DAPK1: variants seen among roughly 807,000 people sequenced by gnomAD.
The protein encoded by DAPK1 is death associated protein kinase 1.
DAPK1 carries 56 observed loss-of-function variants against 144.9 expected under a neutral mutation model. The ratio of observed to expected loss-of-function variants is 0.39; its 90% CI spans 0.31 to 0.48. The LOEUF is 0.48. Ranked by LOEUF, DAPK1 falls within the 20% of genes least tolerant of loss-of-function variation. DAPK1 has a pLI of 0.95. For missense variants in DAPK1, 1,454 were observed against 1,875.4 expected (o/e 0.78, Z 4.15); for synonymous variants, 690 against 749.0 (o/e 0.92, Z 1.29).
At chr9:87,623,859 C>T (rs890150989) in intron 3 of DAPK1, among the ~76,000 whole-genome samples, 9 of 152,238 alleles carry the variant, frequency 5.9e-5, no homozygotes, top group African/African-American at 2.2e-4. Flanking sequence ...GAGCAAAACC[C>T]CTCAGATAGG....
intron 2 of DAPK1, among the ~76,000 whole-genome samples, chr9:87,585,127 C>T (rs1249412042): frequency 1.3e-5 from 2 of 152,208 alleles, no homozygotes; most frequent in African/African-American, 2.4e-5. Flanking sequence ...TTTTCCCATT[C>T]GGTAGGTAAT....
chr9:87,516,076 G>A (rs1825042145), intron 2 of DAPK1, among the ~76,000 whole-genome samples: 1 of 152,182 alleles, frequency 6.6e-6, no homozygotes, highest in Non-Finnish European at 1.5e-5. Flanking sequence ...TGCCTCTGAA[G>A]GGATGCAGAT....
In DAPK1 at chr9:87,647,292, G is replaced by T; in HGVS notation, c.1231-13G>T. ...CTCCCTAGAAATGTGACCCCAGGTT[G>T]ATTTTCCTGCAGGGCGGGTCCAATG... On this transcript the variant is annotated splice_polypyrimidine_tract_variant and intron_variant, in intron 13 of 25. Coordinates refer to ENST00000408954, the MANE Select transcript of DAPK1 (RefSeq NM_004938.4). The T allele has an allele frequency of 1.2e-6, 2 of 1,612,410 alleles. No homozygotes were observed. Among genetic ancestry groups the T allele is most frequent in the South Asian group, 2.2e-5 (2 of 91,026 alleles).
At chr9:87,547,253 TTAA>T (rs1008781183) in intron 2 of DAPK1, among the ~76,000 whole-genome samples, 5 of 152,326 alleles carry the variant, frequency 3.3e-5, no homozygotes, top group Admixed American at 1.3e-4. Context: ...TGATGTTGTA[TTAA>T]TGATGATGAT....
At position 87,675,895 on chromosome 9, in the gene DAPK1, A is replaced by ACACACACACC. The variant is rs1179826339; in HGVS notation, c.2002-5508_2002-5507insACACACACCC. Among the ~76,000 whole-genome samples, 120 of 132,882 alleles carry ACACACACACC rather than the reference A, an allele frequency of 9.0e-4. 1 individual carries two copies. Among genetic ancestry groups the ACACACACACC allele is most frequent in the African/African-American group, 1.5e-3 (52 of 34,726 alleles). The allele number at this position is 132,882 out of a possible 152,430, so 87.2% of individuals were successfully genotyped here. On this transcript the variant is annotated intron_variant, in intron 19 of 25. Coordinates refer to ENST00000408954, the MANE Select transcript of DAPK1 (RefSeq NM_004938.4). ...CACACACACACACACACACACACAC[A>ACACACACACC]CCCTTATGACCACCTGGAAGGTTCT...
At chr9:87,682,749 C>T (rs550425248) in intron 20 of DAPK1, among the ~76,000 whole-genome samples, 1 of 152,244 alleles carries the variant, frequency 6.6e-6, no homozygotes, top group Admixed American at 6.5e-5. Context: ...GTCTGAAGGA[C>T]GCCTCATTTA....
intron 19 of DAPK1, 111 bp downstream of exon 19, chr9:87,668,785 T>G: frequency 1.3e-6 from 1 of 769,752 alleles, no homozygotes; most frequent in Non-Finnish European, 2.3e-6. Context: ...ACAGCCAGGT[T>G]TTAGGAACAG....
chr9:87,536,185 C>T (rs900849220), intron 2 of DAPK1, among the ~76,000 whole-genome samples: 1 of 152,160 alleles, frequency 6.6e-6, no homozygotes, highest in Non-Finnish European at 1.5e-5. Flanking sequence ...AAAGCTACAG[C>T]CTCTGGGTTA....
chr9:87,692,589 C>T (rs1041000117), intron 21 of DAPK1, among the ~76,000 whole-genome samples: 1 of 152,072 alleles, frequency 6.6e-6, no homozygotes, highest in Non-Finnish European at 1.5e-5. Context: ...TGGTGGCTTT[C>T]TGTAGTTGTA....
chr9:87,621,055 A>G (rs2119040324), intron 3 of DAPK1, among the ~76,000 whole-genome samples: 1 of 152,302 alleles, frequency 6.6e-6, no homozygotes, highest in Middle Eastern at 3.4e-3. Flanking sequence ...CCAGCCCGGG[A>G]ATCTCCATGT....
At chr9:87,513,053 A>G (rs1256994919) in intron 2 of DAPK1, among the ~76,000 whole-genome samples, 1 of 152,238 alleles carries the variant, frequency 6.6e-6, no homozygotes, top group Non-Finnish European at 1.5e-5. Context: ...TGAAAAGGAA[A>G]ATACTTGGAA....
chr9:87,515,389 A>G (rs1345462676), intron 2 of DAPK1, among the ~76,000 whole-genome samples: 1 of 152,250 alleles, frequency 6.6e-6, no homozygotes, highest in African/African-American at 2.4e-5. Context: ...CAAAGGCTTA[A>G]AGAGATTAAA....
At chr9:87,649,621 G>A (rs1468791641) in intron 15 of DAPK1, among the ~76,000 whole-genome samples, 2 of 152,160 alleles carry the variant, frequency 1.3e-5, no homozygotes, top group Admixed American at 6.5e-5. Context: ...TGGTTTCAAC[G>A]GGCTCCCGAA....
intron 2 of DAPK1, among the ~76,000 whole-genome samples, chr9:87,538,691 G>T (rs769016526): frequency 2.0e-5 from 3 of 152,052 alleles, no homozygotes; most frequent in Non-Finnish European, 4.4e-5. Flanking sequence ...CATAGGAATT[G>T]CCCGCATATG....
chr9:87,505,884 C>T (rs1376559010), intron 2 of DAPK1, among the ~76,000 whole-genome samples: 6 of 152,106 alleles, frequency 3.9e-5, no homozygotes, highest in Admixed American at 3.3e-4. Flanking sequence ...GGTGGGGTTT[C>T]GCCATGTTGG....
intron 18 of DAPK1, among the ~76,000 whole-genome samples, chr9:87,660,039 C>T (rs763563295): frequency 2.6e-4 from 40 of 152,136 alleles, no homozygotes; most frequent in African/African-American, 7.5e-4. Context: ...GGCGCCCCTG[C>T]GGGAGGCATT....
At chr9:87,620,789 A>AT (rs1186126571) in intron 3 of DAPK1, among the ~76,000 whole-genome samples, 2 of 152,062 alleles carry the variant, frequency 1.3e-5, no homozygotes, top group Admixed American at 1.3e-4. Context: ...TGGAAAAAAA[A>AT]ACCCATCTAT....
chr9:87,583,883 G>A (rs1053031252), intron 2 of DAPK1, among the ~76,000 whole-genome samples: 1 of 152,176 alleles, frequency 6.6e-6, no homozygotes, highest in African/African-American at 2.4e-5. Flanking sequence ...GGAGGTGGAG[G>A]TGAGAGTAAC....
At chr9:87,604,177 G>C (rs543031094) in intron 2 of DAPK1, among the ~76,000 whole-genome samples, 1 of 152,050 alleles carries the variant, frequency 6.6e-6, no homozygotes, top group Non-Finnish European at 1.5e-5. Context: ...TTTGAGGGGG[G>C]GGTTCTGTCA....
Sources: allele counts gnomAD v4.1 joint callset (sites outside exome capture counted in the v4.1 genomes callset), GRCh38; gene constraint gnomAD v4.1.1; transcripts MANE v1.5; gene names NCBI Gene and HGNC (gene_info 2026-07-23, HGNC 2026-07-21).